The following AARS1 variants were observed in gnomAD, a reference collection of about 807,000 sequenced individuals.
AARS1 encodes the protein alanyl-tRNA synthetase 1.
In AARS1, 72 loss-of-function variants were observed where a neutral mutation model predicts 108.9. That is an observed-to-expected ratio of 0.66 (90% CI 0.55 to 0.80). The LOEUF is 0.80. AARS1 is among the 30% of genes least tolerant of loss of function. The pLI is 0.00. For synonymous variants in AARS1, 489 were observed against 465.7 expected, an observed-to-expected ratio of 1.05 and a Z score of -0.64; for missense variants, 1,193 against 1,233.2, an observed-to-expected ratio of 0.97 and a Z score of 0.49.
intron 7 of AARS1, 54 bp downstream of exon 7, chr16:70,269,564 C>A (rs1244064475): frequency 1.2e-5 from 19 of 1,607,976 alleles, no homozygotes; most frequent in Non-Finnish European, 1.6e-5. Flanking sequence ...TAAAGAGTCA[C>A]ACATAGCACA....
intron 17 of AARS1, chr16:70,254,393 G>A: frequency 1.7e-6 from 1 of 598,198 alleles, no homozygotes; most frequent in Non-Finnish European, 3.0e-6. Context: ...GCCCATACAT[G>A]CTTGGGAAGA....
intron 1 of AARS1, among the ~76,000 whole-genome samples, chr16:70,283,102 G>GA (rs1156468924): frequency 6.6e-6 from 1 of 151,948 alleles, no homozygotes; most frequent in Admixed American, 6.6e-5. Context: ...CTAGGAATTA[G>GA]AAAAAAAGAG....
At chr16:70,284,431 T>C (rs542813718) in intron 1 of AARS1, among the ~76,000 whole-genome samples, 113 of 143,736 alleles carry the variant, frequency 7.9e-4, no homozygotes, top group African/African-American at 2.9e-3. Flanking sequence ...TGAAACCCCG[T>C]CTCTACTAAA....
At chr16:70,268,688 AAG>A (rs1479014044) in intron 7 of AARS1, among the ~76,000 whole-genome samples, 1 of 152,166 alleles carries the variant, frequency 6.6e-6, no homozygotes, top group African/African-American at 2.4e-5. Flanking sequence ...GCCTGTCAGT[AAG>A]AGAGATTCCC....
At chr16:70,280,219 T>C (rs1417833956) in intron 2 of AARS1, among the ~76,000 whole-genome samples, 2 of 152,178 alleles carry the variant, frequency 1.3e-5, no homozygotes, top group East Asian at 3.9e-4. Context: ...GCCTGGCCCA[T>C]AATTTTCTCT....
chr16:70,272,925 A>ACACACACACACACACAC (rs1567608990), intron 4 of AARS1, among the ~76,000 whole-genome samples: 4 of 71,094 alleles, frequency 5.6e-5, no homozygotes, highest in Non-Finnish European at 1.1e-4. Flanking sequence ...CACACACACA[A>ACACACACACACACACAC]AAGATTGTGC....
At chr16:70,281,539 G>A (rs886925710) in intron 2 of AARS1, among the ~76,000 whole-genome samples, 1 of 152,080 alleles carries the variant, frequency 6.6e-6, no homozygotes, top group East Asian at 1.9e-4. Context: ...GGTGGCGCAC[G>A]CTTGTAGTTC....
chr16:70,256,121 A>G (rs996089778), intron 15 of AARS1, among the ~76,000 whole-genome samples: 9 of 152,176 alleles, frequency 5.9e-5, no homozygotes, highest in Admixed American at 2.6e-4. Flanking sequence ...CTTAGGCTCT[A>G]CGTGACAGTT....
chr16:70,258,077 A>C lies in AARS1; in HGVS notation c.2133T>G (p.Ser711=). 6.2e-7 allele frequency: 1 copy of C among 1,614,178 alleles called. No individual in the cohort carries two copies. The highest frequency in any genetic ancestry group is 8.5e-7 in the Non-Finnish European group (1 of 1,180,036). Residue 711 remains serine, a synonymous_variant, in exon 15 of 21, where the codon TCT becomes TCG. Transcript: ENST00000261772. The part of the protein sequence containing the change: ...VPVSELLDDP[S]GPAGSLTSVE... The stretch of plus-strand genomic sequence containing the variant: ...CAGAAGTCAGGGAGCCAGCAGGCCC[A>C]GAGGGGTCATCCAGCAACTCGGACA...
chr16:70,274,730 G>A (rs1960495389), intron 4 of AARS1, among the ~76,000 whole-genome samples: 1 of 151,336 alleles, frequency 6.6e-6, no homozygotes, highest in Admixed American at 6.6e-5. Flanking sequence ...ATCTCGGCGG[G>A]GGTGGGGGAG....
chr16:70,255,345 G>A (rs1433244783), intron 16 of AARS1, among the ~76,000 whole-genome samples: 2 of 151,718 alleles, frequency 1.3e-5, no homozygotes, highest in South Asian at 2.1e-4. Flanking sequence ...GATTACAGAC[G>A]CGCGCCACTA....
chr16:70,253,283 C>A lies in AARS1; in HGVS notation c.2706G>T (p.Leu902=), dbSNP rs1214694193. 1 of 1,613,876 alleles carries A rather than the reference C, an allele frequency of 6.2e-7. No individual in the cohort carries two copies. The highest frequency in any genetic ancestry group is 1.7e-5 in the Admixed American group (1 of 60,006). ...VDNEAGKITC[L]CQVPQNAANR... is the part of the protein sequence containing the mutation. ...TGGTGCTGACCTGGGGAACTTGACA[C>A]AGGCACGTGATCTTGCCAGCCTCAT... Residue 902 remains leucine (L), a synonymous_variant, in exon 20 of 21, where the codon CTG becomes CTT. Coordinates refer to ENST00000261772, the MANE Select transcript of AARS1 (RefSeq NM_001605.3).
At chr16:70,268,944 C>A (rs1960327883) in intron 7 of AARS1, among the ~76,000 whole-genome samples, 1 of 152,024 alleles carries the variant, frequency 6.6e-6, no homozygotes, top group Admixed American at 6.6e-5. Flanking sequence ...TGGTGGCTCA[C>A]ACCTGTAATC....
chr16:70,283,627 AG>A (rs2152170989), intron 1 of AARS1, among the ~76,000 whole-genome samples: 1 of 152,278 alleles, frequency 6.6e-6, no homozygotes, highest in African/African-American at 2.4e-5. Context: ...AAGTTCCACT[AG>A]CCCCAAAGTC....
chr16:70,257,983 A>T, intron 15 of AARS1, 50 bp downstream of exon 15: 1 of 1,584,898 alleles, frequency 6.3e-7, no homozygotes, highest in Non-Finnish European at 8.7e-7. Context: ...CTACATCCTC[A>T]GAGGATGAAG....
intron 16 of AARS1, among the ~76,000 whole-genome samples, chr16:70,255,271 C>T (rs895484632): frequency 2.8e-5 from 4 of 144,134 alleles, no homozygotes; most frequent in Admixed American, 1.4e-4. Context: ...GCGATCTCGG[C>T]TCACTGCAAC....
chr16:70,285,137 G>A (rs1286341772), intron 1 of AARS1, among the ~76,000 whole-genome samples: 1 of 152,116 alleles, frequency 6.6e-6, no homozygotes, highest in African/African-American at 2.4e-5. Flanking sequence ...GCTGAGATGG[G>A]AGAATCGCTT....
intron 5 of AARS1, among the ~76,000 whole-genome samples, chr16:70,271,435 G>A (rs1960399270): frequency 6.6e-6 from 1 of 151,864 alleles, no homozygotes; most frequent in Non-Finnish European, 1.5e-5. Context: ...GGCTGAGGCA[G>A]GAGAATCGCT....
intron 1 of AARS1, among the ~76,000 whole-genome samples, chr16:70,286,286 G>A (rs1380839595): frequency 6.6e-6 from 1 of 152,020 alleles, no homozygotes; most frequent in East Asian, 1.9e-4. Context: ...CAGAACCTCA[G>A]GTTTCACTTA....
Sources: gnomAD v4.1 joint callset for allele counts (sites outside exome capture counted in the v4.1 genomes callset) on GRCh38, gnomAD v4.1.1 for gene constraint, MANE v1.5 for transcripts, NCBI Gene and HGNC (gene_info 2026-07-23, HGNC 2026-07-21) for gene names.